Variants in BBS1 observed in about 807,000 individuals in gnomAD.
The protein encoded by BBS1 is BBSome complex member BBS1.
BBS1 carries 60 observed loss-of-function variants against 73.9 expected under a neutral mutation model. That is an observed-to-expected ratio of 0.81 (90% CI 0.66 to 1.01). BBS1 has a LOEUF of 1.01. Among genes scored for constraint, BBS1 ranks in the 50% least tolerant of loss-of-function variants. The probability of loss-of-function intolerance (pLI) is 0.00; values close to 1 mark genes in which losing one functional copy is unlikely to be tolerated. For missense variants in BBS1, 718 were observed against 770.3 expected, an observed-to-expected ratio of 0.93 and a Z score of 0.80; for synonymous variants, 283 against 317.4, an observed-to-expected ratio of 0.89 and a Z score of 1.15.
Position 66,515,906 on chromosome 11 carries a change from A to C in BBS1, c.564A>C (p.Gln188His), listed in dbSNP as rs1590757503. 7 of 1,614,158 alleles carry C rather than the reference A, an allele frequency of 4.3e-6. No homozygotes were observed. In the East Asian group the frequency reaches 1.6e-4, roughly 36 times the overall value. Residue 188 changes from glutamine to histidine, a missense_variant, in exon 7 of 17, where the codon CAA becomes CAC. By Grantham distance (24) the Gln-to-His change is conservative. Transcript: ENST00000318312. Reference protein sequence around the residue: ...ELSEMEAFVNQHKSNSIKRQT... With the variant: ...ELSEMEAFVNHHKSNSIKRQT... ...GTGAAATGGAGGCATTTGTAAACCA[A>C]CACAAGTCCAACTCCATCAAGCGGC... is the stretch of plus-strand genomic sequence containing the variant.
intron 8 of BBS1, chr11:66,520,639 T>C (rs1856176916): frequency 6.2e-6 from 1 of 160,800 alleles, no homozygotes; most frequent in Non-Finnish European, 1.4e-5. Flanking sequence ...GGTACCATAA[T>C]TTATTTACCC....
chr11:66,528,086 T>C (rs1199596187), intron 13 of BBS1, among the ~76,000 whole-genome samples: 1 of 152,034 alleles, frequency 6.6e-6, no homozygotes, highest in Non-Finnish European at 1.5e-5. Context: ...CAAAATTAGC[T>C]GGGCATGGTG....
At position 66,515,586 on chromosome 11, in the gene BBS1, G is replaced by A. The variant is rs376894444; in HGVS notation, c.479G>A (p.Arg160Gln). The stretch of plus-strand genomic sequence containing the variant: ...CTGAAGGAGATGCTGGAGAGCATCC[G>A]GTGAGAGGCTGCCTTCCCCTTCATA... ...LTLKEMLESI[R>Q]ETAEEPLSIQ... Residue 160 changes from arginine (R) to glutamine (Q), a missense_variant and splice_region_variant, in exon 5 of 17, where the codon CGG becomes CAG. Arg to Gln is a conservative substitution (Grantham distance 43). Coordinates refer to ENST00000318312, the MANE Select transcript of BBS1 (RefSeq NM_024649.5). 15 of 1,613,984 alleles carry A rather than the reference G, an allele frequency of 9.3e-6. No homozygotes were observed. The highest frequency in any genetic ancestry group is 1.6e-4 in the Middle Eastern group (1 of 6,084).
intron 9 of BBS1, 131 bp from the exon 10 acceptor site, chr11:66,523,325 A>G: frequency 1.5e-6 from 2 of 1,307,384 alleles, no homozygotes; most frequent in Non-Finnish European, 2.2e-6. Context: ...AAGTGGAAAT[A>G]ATCCCAGGGT....
intron 13 of BBS1, chr11:66,529,327 C>T (rs980310697): frequency 4.6e-6 from 7 of 1,535,862 alleles, no homozygotes; most frequent in South Asian, 1.2e-5. Context: ...GGCTGGTTTC[C>T]GCAGCATTGA....
Position 66,529,948 on chromosome 11 carries a change from C to T in BBS1, c.1469C>T (p.Ala490Val). The change falls in exon 14 of 17, where the codon GCC becomes GTC. Residue 490 changes from alanine (A) to valine (V), a missense_variant. Ala to Val is a moderately conservative substitution (Grantham distance 64). Coordinates refer to ENST00000318312, the MANE Select transcript of BBS1 (RefSeq NM_024649.5). ...TTAREPLKLH[A>V]VVQGLGPTFK... The stretch of plus-strand genomic sequence containing the variant: ...GCCCGAGAGCCACTCAAGCTGCACG[C>T]CGTGGTGAGCATCTGGGTGAGGGCA... 1 of 1,601,120 alleles carries T rather than the reference C, an allele frequency of 6.2e-7. No homozygotes were observed. Among genetic ancestry groups the T allele is most frequent in the South Asian group, 1.1e-5 (1 of 90,618 alleles).
intron 4 of BBS1, 146 bp from the exon 5 acceptor site, chr11:66,515,394 G>C: frequency 1.2e-6 from 1 of 837,880 alleles, no homozygotes; most frequent in Non-Finnish European, 2.0e-6. Context: ...GATAAAGGAC[G>C]TGAGCTTGGT....
rs1856822249 is a variant in BBS1 at position 66,532,347 on chromosome 11, G to A, written c.*310G>A. On this transcript the variant is annotated 3_prime_UTR_variant, in exon 17 of 17. Transcript: ENST00000318312. ...AGATCAGAGCTCCGAAGCGGTCAAA[G>A]TGAGCTGAGCAGGACAGGCCCAGCC... 1.6e-5 allele frequency: 7 copies of A among 435,952 alleles called. No individual in the cohort carries two copies. The highest frequency in any genetic ancestry group is 3.0e-5 in the Non-Finnish European group (7 of 234,628). The allele number at this position is 435,952 out of a possible 1,614,324, so 27.0% of individuals were successfully genotyped here.
intron 9 of BBS1, chr11:66,523,191 T>C (rs1357056198): frequency 3.4e-6 from 2 of 593,912 alleles, no homozygotes; most frequent in African/African-American, 1.8e-5. Context: ...CAAGCCACCA[T>C]AGTGAAGGTG....
At chr11:66,531,862 G>A in intron 16 of BBS1, 89 bp from the exon 17 acceptor site, 9 of 1,594,712 alleles carry the variant, frequency 5.6e-6, no homozygotes, top group Admixed American at 1.8e-5. Flanking sequence ...CTGCACAGTG[G>A]AGCCCTGTGG....
chr11:66,524,205 G>A, intron 11 of BBS1: 1 of 378,790 alleles, frequency 2.6e-6, no homozygotes, highest in Non-Finnish European at 5.1e-6. Flanking sequence ...GCTTGAGCCT[G>A]GGAGGCGGAG....
rs1292130691 is a variant in BBS1 at position 66,531,958 on chromosome 11, T to C, written c.1703T>C (p.Val568Ala). ...ATGGCCACTCCTCCATAGGTGCTGG[T>C]GCTTCGAGAAGGCCAAAGTGCACCC... ...KGISDIIKVLVLREGQSAPLL... is the reference protein window; with the variant it reads ...KGISDIIKVLALREGQSAPLL... The change falls in exon 17 of 17, where the codon GTG (valine) becomes GCG (alanine). Residue 568 changes from valine (V) to alanine (A), a missense_variant. By Grantham distance (64) the Val-to-Ala change is moderately conservative. Coordinates refer to ENST00000318312, the MANE Select transcript of BBS1 (RefSeq NM_024649.5). The C allele has an allele frequency of 1.3e-6, 2 of 1,594,420 alleles. No homozygotes were observed. Among genetic ancestry groups the C allele is most frequent in the South Asian group, 1.1e-5 (1 of 88,628 alleles).
At chr11:66,528,659 C>A (rs768864748) in intron 13 of BBS1, among the ~76,000 whole-genome samples, 6 of 152,082 alleles carry the variant, frequency 3.9e-5, no homozygotes, top group African/African-American at 7.2e-5. Flanking sequence ...GGACAACTTG[C>A]TTCTAGAAAA....
chr11:66,516,444 G>T (rs1856052097), intron 7 of BBS1, among the ~76,000 whole-genome samples: 1 of 152,056 alleles, frequency 6.6e-6, no homozygotes, highest in Non-Finnish European at 1.5e-5. Context: ...ACATTTTTGA[G>T]TTATCATTAA....
intron 16 of BBS1, 96 bp downstream of exon 16, chr11:66,531,838 G>T: frequency 1.2e-6 from 2 of 1,607,518 alleles, no homozygotes; most frequent in Non-Finnish European, 1.7e-6. Context: ...GCTCCTGGGT[G>T]GGGGTGGGGG....
At chr11:66,525,714 G>A (rs1035796797) in intron 11 of BBS1, among the ~76,000 whole-genome samples, 6 of 152,216 alleles carry the variant, frequency 3.9e-5, no homozygotes, top group African/African-American at 1.4e-4. Context: ...GGAGAGAACT[G>A]ACAGAAAAGG....
chr11:66,521,403 CG>C (rs1856211699), intron 9 of BBS1, 27 bp downstream of exon 9: 1 of 1,576,962 alleles, frequency 6.3e-7, no homozygotes, highest in Non-Finnish European at 8.7e-7. Context: ...TCTCCGGGGC[CG>C]GGAGGAACAT....
At chr11:66,528,739 TG>T (rs1856623653) in intron 13 of BBS1, among the ~76,000 whole-genome samples, 1 of 151,700 alleles carries the variant, frequency 6.6e-6, no homozygotes, top group African/African-American at 2.4e-5. Flanking sequence ...GAGGCCGAGG[TG>T]GGCAGATCAC....
rs138091204 is a variant in BBS1 at position 66,533,412 on chromosome 11, T to C, written c.*1375T>C. ...GTGCTTATATGACTCTTGCTTGATA[T>C]ATCAATCTTAGACATTACCTGTTGA... On this transcript the variant is annotated 3_prime_UTR_variant, in exon 17 of 17. Coordinates refer to ENST00000318312, the MANE Select transcript of BBS1 (RefSeq NM_024649.5). 2 of 152,374 alleles carry C rather than the reference T, an allele frequency of 1.3e-5. No individual in the cohort carries two copies. The highest frequency in any genetic ancestry group is 2.1e-4 in the South Asian group (1 of 4,832). 9.4% of individuals were successfully genotyped at this position (152,374 alleles called of 1,614,324 possible). A position where few individuals can be genotyped will look rare whatever the true frequency, so the allele number is the denominator to read the frequency against.
Sources: gnomAD v4.1 joint callset for allele counts (sites outside exome capture counted in the v4.1 genomes callset) on GRCh38, gnomAD v4.1.1 for gene constraint, MANE v1.5 for transcripts, NCBI Gene and HGNC (gene_info 2026-07-23, HGNC 2026-07-21) for gene names.